Variants in CEP41 observed in about 807,000 individuals in gnomAD.
CEP41 encodes centrosomal protein 41, also known as centrosomal protein of 41 kDa.
In CEP41, 32 loss-of-function variants were observed where a neutral mutation model predicts 44.3. The ratio of observed to expected loss-of-function variants is 0.72; its 90% CI spans 0.54 to 0.97. The LOEUF (loss-of-function observed/expected upper bound fraction) is 0.97. CEP41 is among the 50% of genes least tolerant of loss of function. The pLI, the probability that CEP41 is intolerant of heterozygous loss-of-function variation, is 0.00. For missense variants in CEP41, 432 were observed against 455.2 expected, an observed-to-expected ratio of 0.95 and a Z score of 0.46; for synonymous variants, 151 against 168.5, an observed-to-expected ratio of 0.90 and a Z score of 0.80.
chr7:130,410,330 C>G (rs1464607652), intron 5 of CEP41, among the ~76,000 whole-genome samples: 1 of 152,022 alleles, frequency 6.6e-6, no homozygotes, highest in Non-Finnish European at 1.5e-5. Context: ...CGTGAGGCAC[C>G]GTGCCTGGCC....
intron 10 of CEP41, chr7:130,399,371 G>A (rs1369728942): frequency 5.6e-6 from 2 of 357,578 alleles, no homozygotes; most frequent in African/African-American, 4.2e-5. Flanking sequence ...AGAGAAAGCA[G>A]TACGGTGAAA....
intron 3 of CEP41, among the ~76,000 whole-genome samples, chr7:130,413,583 A>AC (rs1297680331): frequency 3.3e-4 from 35 of 106,724 alleles, no homozygotes; most frequent in Non-Finnish European, 3.1e-4. Context: ...TGTCACAAAA[A>AC]AAAAAACAAA....
At chr7:130,414,678 T>C (rs1233700061) in intron 3 of CEP41, among the ~76,000 whole-genome samples, 1 of 152,240 alleles carries the variant, frequency 6.6e-6, no homozygotes, top group Admixed American at 6.5e-5. Flanking sequence ...GAACTCCACG[T>C]ACCTGGTTCT....
intron 2 of CEP41, chr7:130,420,887 C>T (rs1797487596): frequency 1.1e-6 from 1 of 944,956 alleles, no homozygotes; most frequent in Non-Finnish European, 1.3e-6. Context: ...GCAAATACTT[C>T]CCAATTTGGT....
intron 2 of CEP41, among the ~76,000 whole-genome samples, chr7:130,422,535 A>G (rs1797538960): frequency 1.3e-5 from 2 of 152,210 alleles, no homozygotes; most frequent in Non-Finnish European, 2.9e-5. Context: ...CACATAATGC[A>G]TAGGCTGCTG....
intron 2 of CEP41, chr7:130,421,194 ATT>A: frequency 1.0e-6 from 1 of 985,354 alleles, no homozygotes; most frequent in South Asian, 4.7e-5. Context: ...GATTTTTTCC[ATT>A]GTTTTCCTAT....
chr7:130,441,329 C>T (rs1409356091), upstream of CEP41: 5 of 430,378 alleles, frequency 1.2e-5, no homozygotes, highest in Non-Finnish European at 2.2e-5. Context: ...GGACAAAACA[C>T]GAGTTTTAGC....
At chr7:130,416,410 G>A (rs756677745) in intron 3 of CEP41, among the ~76,000 whole-genome samples, 1 of 152,198 alleles carries the variant, frequency 6.6e-6, no homozygotes, top group African/African-American at 2.4e-5. Context: ...AAAGGATGTA[G>A]ATGAAATATG....
chr7:130,436,188 G>A (rs572234793), intron 1 of CEP41, among the ~76,000 whole-genome samples: 1 of 151,830 alleles, frequency 6.6e-6, no homozygotes, highest in East Asian at 1.9e-4. Context: ...AAAAACTGCT[G>A]TACATTCATA....
Position 130,396,400 on chromosome 7 carries a change from T to A in CEP41, c.*2491A>T, listed in dbSNP as rs1562972728. On this transcript the variant is annotated 3_prime_UTR_variant, in exon 11 of 11. Coordinates refer to ENST00000223208, the MANE Select transcript of CEP41 (RefSeq NM_018718.3). ...AATTGGACTGATTTCCTGATTCATT[T>A]ATTTTTTTTAAAAAATGCTTTCCTA... 2.2e-6 allele frequency: 1 copy of A among 454,440 alleles called. No individual in the cohort carries two copies. The highest frequency in any genetic ancestry group is 1.6e-5 in the South Asian group (1 of 64,480). The allele number at this position is 454,440 out of a possible 1,614,324, so 28.2% of individuals were successfully genotyped here.
chr7:130,410,659 G>A (rs1797154565), intron 5 of CEP41, among the ~76,000 whole-genome samples: 1 of 152,060 alleles, frequency 6.6e-6, no homozygotes, highest in South Asian at 2.1e-4. Flanking sequence ...AACAAACGAT[G>A]GTTTCCTTCC....
At chr7:130,410,026 C>CTTCTTTTTTTTTTTT (rs71178584) in intron 5 of CEP41, among the ~76,000 whole-genome samples, 60,283 of 130,444 alleles carry the variant, frequency 0.46, 14,592 homozygotes, top group Middle Eastern at 0.51. Context: ...CTACCTCGGT[C>CTTCTTTTTTTTTTTT]TTCTTTTTTT....
At position 130,394,159 on chromosome 7, in the gene CEP41, T is replaced by C. The variant is rs976006398; in HGVS notation, c.*4732A>G. 8.8e-6 allele frequency: 4 copies of C among 453,984 alleles called. No homozygotes were observed. Among genetic ancestry groups the C allele is most frequent in the Non-Finnish European group, 1.3e-5 (3 of 226,790 alleles). 28.1% of individuals were successfully genotyped at this position (453,984 alleles called of 1,614,324 possible). A position where few individuals can be genotyped will look rare whatever the true frequency, so the allele number is the denominator to read the frequency against. On this transcript the variant is annotated 3_prime_UTR_variant, in exon 11 of 11. Transcript: ENST00000223208. ...GCATCACCAAAGGAGAACATGGTTG[T>C]GCCCACCCAGAGTGAGAAGCATAGA...
intron 6 of CEP41, among the ~76,000 whole-genome samples, chr7:130,404,004 G>T (rs1260546462): frequency 1.3e-5 from 2 of 152,186 alleles, no homozygotes; most frequent in African/African-American, 4.8e-5. Flanking sequence ...GTTAATATTA[G>T]TTAGAAAGTA....
chr7:130,393,911 T>C lies in CEP41; in HGVS notation c.*4980A>G. 2.2e-6 allele frequency: 1 copy of C among 453,984 alleles called. No homozygotes were observed. 28.1% of individuals were successfully genotyped at this position (453,984 alleles called of 1,614,324 possible). On this transcript the variant is annotated 3_prime_UTR_variant, in exon 11 of 11. Coordinates refer to ENST00000223208, the MANE Select transcript of CEP41 (RefSeq NM_018718.3). ...GCAAGGTGTCCATTAACAGACAAAA[T>C]AACCTCGGAAGCCCTGGAGCACCTG... is the stretch of plus-strand genomic sequence containing the variant.
At chr7:130,410,992 G>C in intron 5 of CEP41, 130 bp downstream of exon 5, 2 of 849,114 alleles carry the variant, frequency 2.4e-6, no homozygotes, top group Non-Finnish European at 4.1e-6. Context: ...TTCCCTGAGA[G>C]TAACAATCTA....
chr7:130,437,365 C>CA (rs35213113), intron 1 of CEP41, among the ~76,000 whole-genome samples: 76,365 of 146,408 alleles, frequency 0.52, 19,541 homozygotes, highest in African/African-American at 0.58. Context: ...ACACTGGGGA[C>CA]AAAAAAAAAA....
At chr7:130,434,912 A>G (rs1186733769) in intron 1 of CEP41, among the ~76,000 whole-genome samples, 1 of 152,156 alleles carries the variant, frequency 6.6e-6, no homozygotes, top group African/African-American at 2.4e-5. Context: ...CATTTGTACA[A>G]CTGAGGTCTT....
intron 3 of CEP41, among the ~76,000 whole-genome samples, chr7:130,414,488 T>C (rs991470703): frequency 1.3e-5 from 2 of 152,264 alleles, no homozygotes; most frequent in African/African-American, 4.8e-5. Context: ...TCCACTGATA[T>C]TCTTTTGGTA....
Sources: allele counts gnomAD v4.1 joint callset (sites outside exome capture counted in the v4.1 genomes callset), GRCh38; gene constraint gnomAD v4.1.1; transcripts MANE v1.5; gene names NCBI Gene and HGNC (gene_info 2026-07-23, HGNC 2026-07-21).